Variants in MAP4K5 observed in about 807,000 individuals in gnomAD.
The protein encoded by MAP4K5 is MAPK/ERK kinase kinase kinase 5.
MAP4K5 carries 82 observed loss-of-function variants against 135.6 expected under a neutral mutation model. The observed-to-expected ratio is 0.60, with a 90% confidence interval of 0.51 to 0.73. MAP4K5 has a LOEUF of 0.73. MAP4K5 is among the 30% of genes least tolerant of loss of function. The pLI is 0.00. For missense variants in MAP4K5, 907 were observed against 1,010.9 expected, an observed-to-expected ratio of 0.90 and a Z score of 1.39; for synonymous variants, 347 against 335.0, an observed-to-expected ratio of 1.04 and a Z score of -0.39.
intron 2 of MAP4K5, among the ~76,000 whole-genome samples, chr14:50,515,053 G>A (rs981820919): frequency 1.3e-5 from 2 of 152,002 alleles, no homozygotes; most frequent in African/African-American, 4.8e-5. Context: ...ACAGGCACTC[G>A]CCGCCACGCT....
chr14:50,493,228 T>C (rs2037523694), intron 3 of MAP4K5, among the ~76,000 whole-genome samples: 2 of 152,116 alleles, frequency 1.3e-5, no homozygotes, highest in African/African-American at 4.8e-5. Flanking sequence ...GCCTCCCAGG[T>C]AGCTGGGACT....
intron 3 of MAP4K5, among the ~76,000 whole-genome samples, chr14:50,487,765 C>T (rs1352864604): frequency 1.3e-5 from 2 of 152,128 alleles, no homozygotes; most frequent in Non-Finnish European, 2.9e-5. Context: ...AGTCTGCCTA[C>T]CTAGGTGCAG....
intron 3 of MAP4K5, 136 bp downstream of exon 3, chr14:50,504,664 C>T (rs2037772285): frequency 3.1e-6 from 2 of 650,212 alleles, no homozygotes; most frequent in East Asian, 6.3e-5. Flanking sequence ...CTTTAACTAA[C>T]CACCTTCAGG....
chr14:50,459,724 G>C (rs1307196778), intron 13 of MAP4K5, among the ~76,000 whole-genome samples: 1 of 150,106 alleles, frequency 6.7e-6, no homozygotes, highest in Non-Finnish European at 1.5e-5. Flanking sequence ...CTGAGACAGG[G>C]TCTCATTCTG....
intron 1 of MAP4K5, among the ~76,000 whole-genome samples, chr14:50,550,571 C>T (rs1380596040): frequency 6.6e-6 from 1 of 152,188 alleles, no homozygotes; most frequent in Non-Finnish European, 1.5e-5. Flanking sequence ...TAAGGCAACC[C>T]AGGATCACTA....
In MAP4K5 at chr14:50,513,587, TAAA is replaced by T. The variant is rs3050007; in HGVS notation, c.109-8733_109-8731del. 2.1e-3 allele frequency among the ~76,000 whole-genome samples: 307 copies of T among 148,902 alleles called. 2 individuals are homozygous for T. The East Asian group carries it at 0.022, about 11-fold the overall frequency. On this transcript the variant is annotated intron_variant, in intron 2 of 32. Transcript: ENST00000682126. The stretch of plus-strand genomic sequence containing the variant: ...AAGATAATTTTTTATAAACTGGGGC[TAAA>T]AAAAAAAAAACCAGCAAGTAAGGAC...
chr14:50,438,142 A>C (rs907354222), intron 23 of MAP4K5, 48 bp from the exon 24 acceptor site: 5 of 709,014 alleles, frequency 7.1e-6, no homozygotes, highest in African/African-American at 1.8e-5. Flanking sequence ...AAAATAGAAA[A>C]ACACACACAA....
intron 22 of MAP4K5, 69 bp from the exon 23 acceptor site, chr14:50,440,142 G>A: frequency 1.9e-6 from 2 of 1,036,580 alleles, no homozygotes; most frequent in South Asian, 1.6e-5. Context: ...CCAACATTCT[G>A]AAATCATATA....
intron 6 of MAP4K5, among the ~76,000 whole-genome samples, chr14:50,477,198 C>G (rs1329565407): frequency 1.3e-5 from 2 of 152,040 alleles, no homozygotes; most frequent in African/African-American, 4.8e-5. Flanking sequence ...GTTTATGCAT[C>G]TTTTGTCATA....
intron 9 of MAP4K5, chr14:50,472,618 C>A (rs1343328430): frequency 6.6e-6 from 1 of 152,054 alleles, no homozygotes; most frequent in East Asian, 1.9e-4. Context: ...GTTTCCAGTT[C>A]TAGTTGAAGA....
intron 2 of MAP4K5, among the ~76,000 whole-genome samples, chr14:50,539,249 T>C (rs1411392021): frequency 6.6e-6 from 1 of 152,200 alleles, no homozygotes; most frequent in Non-Finnish European, 1.5e-5. Flanking sequence ...AGTGTCAGTG[T>C]AGGGCACAAC....
At chr14:50,446,359 T>C (rs1376374706) in intron 16 of MAP4K5, among the ~76,000 whole-genome samples, 1 of 152,226 alleles carries the variant, frequency 6.6e-6, no homozygotes, top group African/African-American at 2.4e-5. Context: ...TTTATGGTTA[T>C]GCTTTGCTAT....
At chr14:50,556,684 C>T (rs920200531) in intron 1 of MAP4K5, among the ~76,000 whole-genome samples, 2 of 152,216 alleles carry the variant, frequency 1.3e-5, no homozygotes, top group Non-Finnish European at 2.9e-5. Context: ...AACAATTAAT[C>T]TACTTTCTGC....
At chr14:50,479,638 G>A (rs964343854) in intron 6 of MAP4K5, among the ~76,000 whole-genome samples, 5 of 152,030 alleles carry the variant, frequency 3.3e-5, no homozygotes, top group African/African-American at 1.2e-4. Context: ...TAATGTTTTT[G>A]TCTGCTAATT....
At chr14:50,436,876 T>C (rs571623843) in intron 26 of MAP4K5, among the ~76,000 whole-genome samples, 3 of 152,332 alleles carry the variant, frequency 2.0e-5, no homozygotes, top group African/African-American at 7.2e-5. Context: ...GATTTTAATC[T>C]ATATTCTGTC....
chr14:50,436,655 A>G (rs1201436692), intron 26 of MAP4K5, among the ~76,000 whole-genome samples: 1 of 152,152 alleles, frequency 6.6e-6, no homozygotes, highest in Non-Finnish European at 1.5e-5. Context: ...TGGTCAATCA[A>G]TCATGCCTTT....
intron 30 of MAP4K5, among the ~76,000 whole-genome samples, chr14:50,426,629 C>T (rs772460571): frequency 2.0e-5 from 3 of 152,266 alleles, no homozygotes; most frequent in African/African-American, 2.4e-5. Flanking sequence ...GACGCTGAAA[C>T]GGGAGAATTG....
intron 3 of MAP4K5, among the ~76,000 whole-genome samples, chr14:50,487,208 T>C (rs778604773): frequency 2.0e-5 from 3 of 152,184 alleles, no homozygotes; most frequent in Non-Finnish European, 2.9e-5. Flanking sequence ...CTCGGGAGGC[T>C]AAGGCAGGAG....
chr14:50,559,137 G>C (rs1566713283), intron 1 of MAP4K5: 3 of 152,240 alleles, frequency 2.0e-5, no homozygotes, highest in Non-Finnish European at 4.4e-5. Context: ...GGTCCTGTCT[G>C]AAGCCATCAT....
Sources: gnomAD v4.1 joint callset for allele counts (sites outside exome capture counted in the v4.1 genomes callset) on GRCh38, gnomAD v4.1.1 for gene constraint, MANE v1.5 for transcripts, NCBI Gene and HGNC (gene_info 2026-07-23, HGNC 2026-07-21) for gene names.